ATG14: variants seen among roughly 807,000 people sequenced by gnomAD.
The protein encoded by ATG14 is beclin 1-associated autophagy-related key regulator.
Under a neutral mutation model 60.4 loss-of-function variants are expected in ATG14, and 35 were observed. That is an observed-to-expected ratio of 0.58 (90% CI 0.44 to 0.77). The LOEUF (loss-of-function observed/expected upper bound fraction) is 0.77, where lower values mean the gene tolerates loss of function less well. Ranked by LOEUF, ATG14 falls within the 30% of genes least tolerant of loss-of-function variation. The pLI is 0.00. For missense variants in ATG14, 647 were observed against 626.3 expected, an observed-to-expected ratio of 1.03 and a Z score of -0.35; for synonymous variants, 234 against 228.8, an observed-to-expected ratio of 1.02 and a Z score of -0.21.
intron 9 of ATG14, among the ~76,000 whole-genome samples, chr14:55,373,004 CAGG>C (rs1555341397): frequency 8.5e-6 from 1 of 117,252 alleles, no homozygotes; most frequent in South Asian, 2.8e-4. Context: ...AGCCACAGAG[CAGG>C]AGGAGAGGCC....
At chr14:55,397,531 T>C (rs1289653990) in intron 1 of ATG14, 97 bp from the exon 2 acceptor site, 3 of 946,770 alleles carry the variant, frequency 3.2e-6, no homozygotes, top group South Asian at 1.4e-5. Flanking sequence ...TGCAGAGTCA[T>C]GTGAAAATGT....
intron 1 of ATG14, among the ~76,000 whole-genome samples, chr14:55,399,399 A>G (rs1885363988): frequency 6.6e-6 from 1 of 152,260 alleles, no homozygotes; most frequent in African/African-American, 2.4e-5. Context: ...TCTACTGAAT[A>G]GCACTGTAAT....
At chr14:55,375,060 C>A (rs1285688119) in intron 9 of ATG14, among the ~76,000 whole-genome samples, 1 of 152,192 alleles carries the variant, frequency 6.6e-6, no homozygotes, top group Non-Finnish European at 1.5e-5. Flanking sequence ...CAACACTGAG[C>A]CTTCTCATCC....
chr14:55,404,725 C>A (rs1403295649), intron 1 of ATG14, among the ~76,000 whole-genome samples: 1 of 152,096 alleles, frequency 6.6e-6, no homozygotes, highest in African/African-American at 2.4e-5. Flanking sequence ...ATATGACCTT[C>A]CAAAGATACA....
chr14:55,394,431 T>A (rs1411676993), intron 3 of ATG14, among the ~76,000 whole-genome samples: 1 of 152,222 alleles, frequency 6.6e-6, no homozygotes, highest in Non-Finnish European at 1.5e-5. Flanking sequence ...AATTCTTTTT[T>A]AAAGTTATTC....
At position 55,385,922 on chromosome 14, in the gene ATG14, C is replaced by A. The variant is rs148035902; in HGVS notation, c.584G>T (p.Arg195Leu). The change falls in exon 5 of 10, where the codon CGA becomes CTA. Residue 195 changes from arginine (R) to leucine (L), a missense_variant. Arg to Leu is a moderately radical substitution (Grantham distance 102, BLOSUM62 -2). Transcript: ENST00000247178. ...AGAGGTGAGCTCTAATATATGGGAT[C>A]GTCGAAGATTTGCCAGACGCTCATA... ...SHYERLANLR[R>L]SHILELTSVI... The A allele has an allele frequency of 6.2e-7, 1 of 1,614,154 alleles. No homozygotes were observed. The highest frequency in any genetic ancestry group is 2.2e-5 in the East Asian group (1 of 44,886).
In ATG14 at chr14:55,380,636, G is replaced by A; in HGVS notation, c.932C>T (p.Thr311Ile). ...YTISAALCYA[T>I]QLVNILSHIL... ...ATGAGACAGAATGTTGACCAGCTGA[G>A]TTGCATAGCACAGCGCAGCACTGAT... is the stretch of plus-strand genomic sequence containing the variant. The change falls in exon 7 of 10, where the codon ACT (threonine) becomes ATT (isoleucine). Residue 311 changes from threonine (T) to isoleucine (I), a missense_variant. By Grantham distance (89) the Thr-to-Ile change is moderately conservative (BLOSUM62 -1). Transcript: ENST00000247178. 1 of 1,613,254 alleles carries A rather than the reference G, an allele frequency of 6.2e-7. No individual in the cohort carries two copies. Among genetic ancestry groups the A allele is most frequent in the South Asian group, 1.1e-5 (1 of 90,850 alleles).
At chr14:55,411,542 G>C (rs996852875) in intron 1 of ATG14, 60 bp downstream of exon 1, 6 of 1,505,588 alleles carry the variant, frequency 4.0e-6, no homozygotes, top group Non-Finnish European at 5.4e-6. Context: ...TCCAGCCTTC[G>C]GCTGCCTGGC....
chr14:55,381,949 T>C lies in ATG14; in HGVS notation c.877+13A>G, dbSNP rs1041852303. 6.2e-7 allele frequency: 1 copy of C among 1,600,814 alleles called. No homozygotes were observed. Among genetic ancestry groups the C allele is most frequent in the Non-Finnish European group, 8.6e-7 (1 of 1,167,994 alleles). Reference sequence around the variant, plus strand: ...CTCTATATATAGATTTCAAAGGATATGCTGCTTCTCACCAGGCCCCTGGGT... The same window carrying C: ...CTCTATATATAGATTTCAAAGGATACGCTGCTTCTCACCAGGCCCCTGGGT... On this transcript the variant is annotated intron_variant, in intron 6 of 9. Coordinates refer to ENST00000247178, the MANE Select transcript of ATG14 (RefSeq NM_014924.5).
chr14:55,402,519 T>C (rs970247837), intron 1 of ATG14, among the ~76,000 whole-genome samples: 2 of 152,096 alleles, frequency 1.3e-5, no homozygotes, highest in Admixed American at 6.5e-5. Flanking sequence ...GAAACTAGTG[T>C]TCAATGGGAG....
At chr14:55,370,917 A>G (rs959559574) in intron 9 of ATG14, among the ~76,000 whole-genome samples, 4 of 152,272 alleles carry the variant, frequency 2.6e-5, no homozygotes, top group African/African-American at 9.6e-5. Context: ...CTGAGATTAC[A>G]GTTGTGAGCC....
intron 9 of ATG14, among the ~76,000 whole-genome samples, chr14:55,375,904 C>G (rs2140123596): frequency 6.6e-6 from 1 of 152,254 alleles, no homozygotes; most frequent in East Asian, 1.9e-4. Context: ...TATAACTTTC[C>G]TTGTAGGTTT....
At chr14:55,387,936 A>G (rs1489795416) in intron 4 of ATG14, among the ~76,000 whole-genome samples, 4 of 152,188 alleles carry the variant, frequency 2.6e-5, no homozygotes. Context: ...TGCTGGGATT[A>G]TAGGCATGAG....
chr14:55,369,869 G>A lies in ATG14; in HGVS notation c.1229C>T (p.Pro410Leu). The A allele has an allele frequency of 6.2e-7, 1 of 1,614,054 alleles. No individual in the cohort carries two copies. Among genetic ancestry groups the A allele is most frequent in the Non-Finnish European group, 8.5e-7 (1 of 1,179,994 alleles). ...DLEESMEFVDPGVAGESDESG... is the reference protein window; with the variant it reads ...DLEESMEFVDLGVAGESDESG... Reference sequence around the variant, plus strand: ...CTCATCTGATTCTCCAGCAACTCCGGGATCCACAAATTCCATGGACTCCTC... The same window carrying A: ...CTCATCTGATTCTCCAGCAACTCCGAGATCCACAAATTCCATGGACTCCTC... The change falls in exon 10 of 10, where the codon CCC becomes CTC. Residue 410 changes from proline (P) to leucine (L), a missense_variant. Coordinates refer to ENST00000247178, the MANE Select transcript of ATG14 (RefSeq NM_014924.5).
In ATG14 at chr14:55,369,502, AAC is replaced by A. The variant is rs1245703836; in HGVS notation, c.*115_*116del. ...CCTGCTTAAAAAGACAAAACAAAAC[AAC>A]ACTTTAACCTCTTTGTTCCAGACAC... On this transcript the variant is annotated 3_prime_UTR_variant, in exon 10 of 10. Transcript: ENST00000247178. The A allele has an allele frequency of 5.9e-5, 62 of 1,054,756 alleles. 1 individual carries two copies. Among genetic ancestry groups the A allele is most frequent in the South Asian group, 5.1e-4 (18 of 35,498 alleles). 65.3% of individuals were successfully genotyped at this position (1,054,756 alleles called of 1,614,324 possible).
At chr14:55,407,517 G>A (rs560402699) in intron 1 of ATG14, among the ~76,000 whole-genome samples, 3 of 151,842 alleles carry the variant, frequency 2.0e-5, no homozygotes, top group East Asian at 1.9e-4. Context: ...CGCCTGCCTC[G>A]GCCTCCCAAA....
intron 1 of ATG14, among the ~76,000 whole-genome samples, chr14:55,399,016 AT>A (rs1420920480): frequency 1.3e-5 from 2 of 152,250 alleles, no homozygotes; most frequent in African/African-American, 2.4e-5. Context: ...AAGGAAAACA[AT>A]TCAACAGGCC....
chr14:55,374,198 GTTTT>G (rs1188241323), intron 9 of ATG14, among the ~76,000 whole-genome samples: 5 of 150,564 alleles, frequency 3.3e-5, no homozygotes, highest in South Asian at 4.3e-4. Flanking sequence ...TGCATTTTAA[GTTTT>G]TTATTATTTT....
intron 1 of ATG14, among the ~76,000 whole-genome samples, chr14:55,402,526 G>A (rs1350623805): frequency 6.6e-6 from 1 of 151,856 alleles, no homozygotes; most frequent in Non-Finnish European, 1.5e-5. Context: ...GTGTTCAATG[G>A]GAGAAAGACT....
Sources: gnomAD v4.1 joint callset for allele counts (sites outside exome capture counted in the v4.1 genomes callset) on GRCh38, gnomAD v4.1.1 for gene constraint, MANE v1.5 for transcripts, NCBI Gene and HGNC (gene_info 2026-07-23, HGNC 2026-07-21) for gene names.